The following NUP50 variants were observed in gnomAD, a reference collection of about 807,000 sequenced individuals.
NUP50 encodes nucleoporin 50, also known as nuclear pore complex protein Nup50.
In NUP50, 14 loss-of-function variants were observed where a neutral mutation model predicts 36.8. The observed-to-expected ratio is 0.38, with a 90% confidence interval of 0.25 to 0.59. The LOEUF (loss-of-function observed/expected upper bound fraction) is 0.59, where lower values mean the gene tolerates loss of function less well. NUP50 is among the 20% of genes least tolerant of loss of function. The probability of loss-of-function intolerance (pLI) is 0.63; values close to 1 mark genes in which losing one functional copy is unlikely to be tolerated. For missense variants in NUP50, 455 were observed against 564.6 expected, an observed-to-expected ratio of 0.81 and a Z score of 1.97; for synonymous variants, 195 against 210.8, an observed-to-expected ratio of 0.93 and a Z score of 0.65.
chr22:45,166,930 C>T (rs1009723261), intron 1 of NUP50, among the ~76,000 whole-genome samples: 2 of 152,008 alleles, frequency 1.3e-5, no homozygotes, highest in African/African-American at 4.8e-5. Context: ...ATTTAAAAAT[C>T]ACTAAAATGT....
At chr22:45,184,277 TGCTCCCCGAGG>T (rs1308648104) in intron 7 of NUP50, 165 bp from the exon 8 acceptor site, 4 of 626,244 alleles carry the variant, frequency 6.4e-6, no homozygotes, top group Non-Finnish European at 1.1e-5. Flanking sequence ...TGAGGGCAAG[TGCTCCCCGAGG>T]CCTCCCAGTT....
intron 6 of NUP50, among the ~76,000 whole-genome samples, chr22:45,183,085 C>CGGGGGGGGG (rs60488848): frequency 2.1e-4 from 24 of 114,150 alleles, no homozygotes; most frequent in Non-Finnish European, 3.1e-4. Context: ...GGGTTGGGGG[C>CGGGGGGGGG]GGGGGGGGGG....
chr22:45,169,614 T>C (rs10427637), intron 2 of NUP50, among the ~76,000 whole-genome samples: 4 of 152,216 alleles, frequency 2.6e-5, no homozygotes, highest in African/African-American at 9.6e-5. Flanking sequence ...AACCAAGGAA[T>C]AACCGGCAGA....
At chr22:45,171,554 CT>C in intron 2 of NUP50, 45 bp from the exon 3 acceptor site, 9 of 1,494,048 alleles carry the variant, frequency 6.0e-6, no homozygotes, top group Non-Finnish European at 8.4e-6. Context: ...ATTTTGTCAT[CT>C]GTTTGGCTTT....
chr22:45,172,155 T>C (rs2074205566), intron 3 of NUP50: 1 of 156,520 alleles, frequency 6.4e-6, no homozygotes, highest in African/African-American at 2.4e-5. Flanking sequence ...TTGTAACTCC[T>C]AAATTGAAAT....
chr22:45,178,035 A>G (rs1601782303), intron 4 of NUP50: 1 of 551,752 alleles, frequency 1.8e-6, no homozygotes, highest in Non-Finnish European at 3.2e-6. Context: ...TTGAGGCAGG[A>G]GAATCGCTTG....
rs1459478177 is a variant in NUP50, at chr22:45,164,162, T to G, written c.-145T>G. The G allele has an allele frequency of 6.6e-6, 1 of 152,228 alleles. No individual in the cohort carries two copies. The highest frequency in any genetic ancestry group is 1.5e-5 in the Non-Finnish European group (1 of 68,112). 9.4% of individuals were successfully genotyped at this position (152,228 alleles called of 1,614,324 possible). ...CTTGCCGAGCACTAAGTCCTCTGAG[T>G]TCCGCAGCGCAGCACCGGAAGCGGC... On this transcript the variant is annotated 5_prime_UTR_variant, in exon 1 of 8. Transcript: ENST00000347635.
rs536605176 is a variant in NUP50, at chr22:45,184,285, G to A, written c.1205-168G>A. Reference sequence around the variant, plus strand: ...CTCACAGTGAGGGCAAGTGCTCCCCGAGGCCTCCCAGTTCTCAGGGAACCA... The same window carrying A: ...CTCACAGTGAGGGCAAGTGCTCCCCAAGGCCTCCCAGTTCTCAGGGAACCA... On this transcript the variant is annotated intron_variant, in intron 7 of 7. Transcript: ENST00000347635. 4.9e-4 allele frequency: 321 copies of A among 650,066 alleles called. 1 individual carries two copies. In the African/African-American group the frequency reaches 5.1e-3, roughly 10 times the overall value. 40.3% of individuals were successfully genotyped at this position (650,066 alleles called of 1,614,324 possible).
At chr22:45,171,576 TG>T in intron 2 of NUP50, 23 bp from the exon 3 acceptor site, 1 of 1,598,714 alleles carries the variant, frequency 6.3e-7, no homozygotes, top group Non-Finnish European at 8.6e-7. Flanking sequence ...ATCTTACTGC[TG>T]CTTAATTTGT....
chr22:45,184,526 C>G lies in NUP50; in HGVS notation c.1278C>G (p.Ile426Met). Residue 426 changes from isoleucine (I) to methionine (M), a missense_variant, in exon 8 of 8, where the codon ATC (isoleucine) becomes ATG (methionine). By Grantham distance (10) the Ile-to-Met change is conservative. This residue lies in a region of NUP50 where 287 missense variants were observed against 345.5 expected (regional missense o/e 0.83). Coordinates refer to ENST00000347635, the MANE Select transcript of NUP50 (RefSeq NM_007172.4). ...CTRTGKNNVL[I>M]VCVPNPPIDE... ...GAACAGGGAAGAATAACGTTCTTAT[C>G]GTCTGTGTTCCAAATCCACCAATTG... is the stretch of plus-strand genomic sequence containing the variant. 2 of 1,613,494 alleles carry G rather than the reference C, an allele frequency of 1.2e-6. No homozygotes were observed. Among genetic ancestry groups the G allele is most frequent in the Non-Finnish European group, 1.7e-6 (2 of 1,179,460 alleles).
Position 45,184,483 on chromosome 22 carries a change from C to T in NUP50, c.1235C>T (p.Pro412Leu), listed in dbSNP as rs763695542. 1.1e-5 allele frequency: 17 copies of T among 1,613,852 alleles called. 1 individual carries two copies. In the East Asian group the frequency reaches 3.8e-4, roughly 36 times the overall value. ...GNILLNVLIP[P>L]NMPCTRTGKN... ...ATATTGCTGAACGTTCTGATTCCAC[C>T]CAATATGCCATGTACGCGAACAGGG... Residue 412 changes from proline to leucine, a missense_variant, in exon 8 of 8, where the codon CCC becomes CTC. By Grantham distance (98) the Pro-to-Leu change is moderately conservative. Around this residue, in one of 3 missense-constraint regions of NUP50, gnomAD observed 287 missense variants for 345.5 expected, o/e 0.83. Transcript: ENST00000347635.
chr22:45,164,616 C>A (rs1428948558), intron 1 of NUP50: 1 of 142,084 alleles, frequency 7.0e-6, no homozygotes, highest in South Asian at 2.2e-4. Flanking sequence ...CCGGGCGGGG[C>A]GCGCGGTGGG....
At chr22:45,175,499 C>T (rs1166021311) in intron 3 of NUP50, among the ~76,000 whole-genome samples, 1 of 152,142 alleles carries the variant, frequency 6.6e-6, no homozygotes, top group Admixed American at 6.5e-5. Flanking sequence ...TTTCTTTAGG[C>T]AGTAAATGGT....
Position 45,176,001 on chromosome 22 carries a change from A to C in NUP50, c.261A>C (p.Gly87=). The stretch of plus-strand genomic sequence containing the variant: ...GCGCTGGAGGGAAGCCTTTGGAAGG[A>C]CTGTCGAATGGAAACAACATAACCA... ...GSGAGGKPLE[G]LSNGNNITSA... is the part of the protein sequence containing the mutation. The change falls in exon 4 of 8, where the codon GGA becomes GGC. Residue 87 remains glycine, a synonymous_variant. Transcript: ENST00000347635. The C allele has an allele frequency of 6.2e-7, 1 of 1,614,170 alleles. No homozygotes were observed. The highest frequency in any genetic ancestry group is 8.5e-7 in the Non-Finnish European group (1 of 1,180,028).
rs2074314285 is a variant in NUP50, at chr22:45,178,565, C to T, written c.668C>T (p.Ser223Phe). ...NKVAAETQSP[S>F]LFGSTKLQQE... ...GTGGCAGCTGAAACACAGTCTCCTT[C>T]CCTTTTTGGCTCAACAAAATTACAG... Residue 223 changes from serine (S) to phenylalanine (F), a missense_variant, in exon 5 of 8, where the codon TCC becomes TTC. Ser to Phe is a radical substitution (Grantham distance 155). Coordinates refer to ENST00000347635, the MANE Select transcript of NUP50 (RefSeq NM_007172.4). 6.2e-7 allele frequency: 1 copy of T among 1,611,914 alleles called. No homozygotes were observed. The highest frequency in any genetic ancestry group is 1.1e-5 in the South Asian group (1 of 90,994).
chr22:45,169,942 T>C (rs2074158942), intron 2 of NUP50, among the ~76,000 whole-genome samples: 1 of 152,242 alleles, frequency 6.6e-6, no homozygotes. Flanking sequence ...TCCACATTCA[T>C]GCTCCTCCCG....
intron 2 of NUP50, among the ~76,000 whole-genome samples, chr22:45,169,960 G>A (rs562869137): frequency 1.3e-5 from 2 of 152,330 alleles, no homozygotes; most frequent in African/African-American, 4.8e-5. Flanking sequence ...CCGTAGTCCT[G>A]GTTCCTCTTT....
At chr22:45,182,676 G>A (rs2147705456) in intron 6 of NUP50, among the ~76,000 whole-genome samples, 1 of 133,402 alleles carries the variant, frequency 7.5e-6, no homozygotes, top group East Asian at 2.3e-4. Flanking sequence ...CCAGGCTGGA[G>A]TGCAGTGGCA....
intron 3 of NUP50, among the ~76,000 whole-genome samples, chr22:45,172,704 G>T (rs371693756): frequency 6.6e-6 from 1 of 152,112 alleles, no homozygotes; most frequent in African/African-American, 2.4e-5. Flanking sequence ...CCAAAGTTTT[G>T]ATCATAAAAT....
Sources: allele counts gnomAD v4.1 joint callset (sites outside exome capture counted in the v4.1 genomes callset), GRCh38; gene constraint gnomAD v4.1.1; regional missense constraint gnomAD v4.1.1; transcripts MANE v1.5; gene names NCBI Gene and HGNC (gene_info 2026-07-23, HGNC 2026-07-21).